The following ELP4 variants were observed in gnomAD, a reference collection of about 807,000 sequenced individuals.
The protein encoded by ELP4 is elongator complex protein 4.
In ELP4, 51 loss-of-function variants were observed where a neutral mutation model predicts 48.9. That is an observed-to-expected ratio of 1.04 (90% CI 0.83 to 1.32). The LOEUF (loss-of-function observed/expected upper bound fraction) is 1.32, where lower values mean the gene tolerates loss of function less well. Among genes scored for constraint, ELP4 ranks in the 40% most tolerant of loss-of-function variants. ELP4 has a pLI of 0.00. For synonymous variants in ELP4, 210 were observed against 189.2 expected, an observed-to-expected ratio of 1.11 and a Z score of -0.90; for missense variants, 519 against 514.6, an observed-to-expected ratio of 1.01 and a Z score of -0.08.
At chr11:31,546,056 C>T (rs1193442560) in intron 3 of ELP4, among the ~76,000 whole-genome samples, 1 of 151,938 alleles carries the variant, frequency 6.6e-6, no homozygotes, top group African/African-American at 2.4e-5. Flanking sequence ...ACCATCGAGA[C>T]TAGGAAGAAA....
intron 9 of ELP4, among the ~76,000 whole-genome samples, chr11:31,766,897 A>G (rs1338111881): frequency 2.6e-5 from 4 of 152,108 alleles, no homozygotes; most frequent in African/African-American, 9.7e-5. Flanking sequence ...GAAAAACAGA[A>G]GAAAAAATGC....
chr11:31,693,174 T>A (rs1946318397), intron 9 of ELP4, among the ~76,000 whole-genome samples: 2 of 152,066 alleles, frequency 1.3e-5, no homozygotes, highest in South Asian at 2.1e-4. Flanking sequence ...TTATTATTAT[T>A]ATACTTTAAG....
At chr11:31,717,439 A>T (rs1946864678) in intron 9 of ELP4, among the ~76,000 whole-genome samples, 1 of 152,038 alleles carries the variant, frequency 6.6e-6, no homozygotes, top group African/African-American at 2.4e-5. Context: ...ATGGTTAATA[A>T]AAATGTGCAG....
chr11:31,531,409 G>A (rs865789823), intron 2 of ELP4, among the ~76,000 whole-genome samples: 2 of 152,172 alleles, frequency 1.3e-5, no homozygotes, highest in Non-Finnish European at 2.9e-5. Flanking sequence ...GGAATTTCAG[G>A]AATGTTTATT....
chr11:31,672,402 A>G (rs1221834950), intron 9 of ELP4, among the ~76,000 whole-genome samples: 2 of 152,328 alleles, frequency 1.3e-5, no homozygotes, highest in East Asian at 1.9e-4. Flanking sequence ...ATTTTGTTAT[A>G]ATGGCATTTC....
intron 3 of ELP4, among the ~76,000 whole-genome samples, chr11:31,586,104 A>G (rs1160156453): frequency 1.3e-5 from 2 of 152,210 alleles, no homozygotes; most frequent in African/African-American, 2.4e-5. Context: ...TGGCTACTGT[A>G]TTGGACAGTG....
At chr11:31,690,796 C>CTTTTTTTTTTTTTTTTT (rs10653769) in intron 9 of ELP4, among the ~76,000 whole-genome samples, 1 of 109,612 alleles carries the variant, frequency 9.1e-6, no homozygotes, top group Non-Finnish European at 1.9e-5. Flanking sequence ...GTTTTTTTTC[C>CTTTTTTTTTTTTTTTTT]TTTTTTTTTT....
chr11:31,545,957 C>A (rs1008242386), intron 3 of ELP4, among the ~76,000 whole-genome samples: 3 of 151,934 alleles, frequency 2.0e-5, no homozygotes, highest in Non-Finnish European at 4.4e-5. Context: ...CACCACCAGG[C>A]CTGCCCTAAA....
At chr11:31,711,896 A>G (rs970831884) in intron 9 of ELP4, among the ~76,000 whole-genome samples, 3 of 152,154 alleles carry the variant, frequency 2.0e-5, no homozygotes, top group African/African-American at 7.2e-5. Flanking sequence ...GAAAATAAGT[A>G]TCAATAACCT....
At chr11:31,678,478 A>G (rs1945977340) in intron 9 of ELP4, among the ~76,000 whole-genome samples, 1 of 145,706 alleles carries the variant, frequency 6.9e-6, no homozygotes, top group Admixed American at 7.1e-5. Flanking sequence ...GTTATTATTT[A>G]TTGCATACAT....
chr11:31,548,668 G>T (rs1423814215), intron 3 of ELP4, among the ~76,000 whole-genome samples: 1 of 151,996 alleles, frequency 6.6e-6, no homozygotes, highest in East Asian at 1.9e-4. Flanking sequence ...AAAAGAGCCC[G>T]CATGGCCAAG....
chr11:31,545,520 A>C (rs1956687845), intron 3 of ELP4, among the ~76,000 whole-genome samples: 1 of 152,192 alleles, frequency 6.6e-6, no homozygotes, highest in African/African-American at 2.4e-5. Flanking sequence ...GGTGTACCTG[A>C]AAGTGATGGG....
chr11:31,752,849 AAAAG>A (rs1162296930), intron 9 of ELP4, among the ~76,000 whole-genome samples: 28 of 149,534 alleles, frequency 1.9e-4, no homozygotes, highest in Non-Finnish European at 3.0e-4. Flanking sequence ...AAAAAAAAAA[AAAAG>A]AACTGGAAAG....
At chr11:31,568,292 T>C (rs967676055) in intron 3 of ELP4, among the ~76,000 whole-genome samples, 4 of 152,008 alleles carry the variant, frequency 2.6e-5, no homozygotes, top group Admixed American at 2.0e-4. Context: ...AAATCAGAGA[T>C]GACACAAATG....
intron 9 of ELP4, among the ~76,000 whole-genome samples, chr11:31,781,026 G>A (rs939234439): frequency 1.2e-4 from 19 of 152,122 alleles, no homozygotes; most frequent in African/African-American, 4.3e-4. Flanking sequence ...TGCCTTTCTT[G>A]TATACCTAAC....
At chr11:31,587,623 TA>T (rs925054070) in intron 3 of ELP4, among the ~76,000 whole-genome samples, 11 of 152,156 alleles carry the variant, frequency 7.2e-5, no homozygotes, top group African/African-American at 2.7e-4. Flanking sequence ...CATTTTACTT[TA>T]TTTTTGTTTT....
chr11:31,714,309 CAGA>C (rs372991101), intron 9 of ELP4, among the ~76,000 whole-genome samples: 1 of 152,066 alleles, frequency 6.6e-6, no homozygotes, highest in Admixed American at 6.6e-5. Flanking sequence ...TGTTCACAAA[CAGA>C]AGGACATTCT....
At chr11:31,734,353 C>T (rs1947257818) in intron 9 of ELP4, among the ~76,000 whole-genome samples, 1 of 152,102 alleles carries the variant, frequency 6.6e-6, no homozygotes, top group Admixed American at 6.6e-5. Context: ...GTACTGGAAG[C>T]CCTAGCCAGA....
chr11:31,772,532 T>C (rs563345780), intron 9 of ELP4, among the ~76,000 whole-genome samples: 1 of 152,322 alleles, frequency 6.6e-6, no homozygotes, highest in South Asian at 2.1e-4. Context: ...TGAAAGCAGG[T>C]GTCTTGCCTG....
Sources: gnomAD v4.1 joint callset for allele counts (sites outside exome capture counted in the v4.1 genomes callset) on GRCh38, gnomAD v4.1.1 for gene constraint, MANE v1.5 for transcripts, NCBI Gene and HGNC (gene_info 2026-07-23, HGNC 2026-07-21) for gene names.